Variants in SMYD3 observed in about 807,000 individuals in gnomAD.
The protein encoded by SMYD3 is SET and MYND domain containing 3.
In SMYD3, 36 loss-of-function variants were observed where a neutral mutation model predicts 57.7. That is an observed-to-expected ratio of 0.62 (90% CI 0.48 to 0.82). The LOEUF (loss-of-function observed/expected upper bound fraction) is 0.82, where lower values mean the gene tolerates loss of function less well. SMYD3 is among the 40% of genes least tolerant of loss of function. SMYD3 has a pLI of 0.00. For missense variants in SMYD3, 515 were observed against 538.8 expected (o/e 0.96, Z 0.44); for synonymous variants, 211 against 195.0 (o/e 1.08, Z -0.68).
chr1:246,115,271 C>T (rs2061325697), intron 5 of SMYD3, among the ~76,000 whole-genome samples: 1 of 152,124 alleles, frequency 6.6e-6, no homozygotes, highest in Admixed American at 6.5e-5. Context: ...AGCAGGTGCT[C>T]AAATAAGACC....
rs115860845 is a variant in SMYD3, at chr1:245,808,857, G to C, written c.1077-44708C>G. ...AGCTCATTGGAACCACTACCTCCTG[G>C]GTTCAAGCGATTCTCGTGCCTCAGC... On this transcript the variant is annotated intron_variant, in intron 10 of 11. Transcript: ENST00000490107. Among the ~76,000 whole-genome samples the C allele has an allele frequency of 9.8e-3, 1,494 of 152,158 alleles. 31 individuals carry two copies. Among genetic ancestry groups the C allele is most frequent in the African/African-American group, 0.034 (1,411 of 41,502 alleles).
chr1:246,404,724 T>C (rs1352161799), intron 1 of SMYD3, among the ~76,000 whole-genome samples: 1 of 152,070 alleles, frequency 6.6e-6, no homozygotes, highest in East Asian at 1.9e-4. Flanking sequence ...ATTTGGCTAG[T>C]TAATGAAAAT....
At chr1:246,328,971 G>A (rs948094141) in intron 4 of SMYD3, among the ~76,000 whole-genome samples, 3 of 151,860 alleles carry the variant, frequency 2.0e-5, no homozygotes, top group African/African-American at 7.3e-5. Context: ...ATAGTTTACT[G>A]AGAATGATGA....
intron 5 of SMYD3, among the ~76,000 whole-genome samples, chr1:246,277,722 G>A (rs927294720): frequency 4.6e-5 from 7 of 152,160 alleles, no homozygotes; most frequent in Admixed American, 1.3e-4. Context: ...TGACACAAAC[G>A]ACATGGATGA....
chr1:245,755,040 C>T (rs2045551527), intron 11 of SMYD3, among the ~76,000 whole-genome samples: 1 of 152,130 alleles, frequency 6.6e-6, no homozygotes, highest in Non-Finnish European at 1.5e-5. Flanking sequence ...ACTGTTTAAT[C>T]AATCAATCAG....
At chr1:245,892,357 C>G (rs1203615509) in intron 8 of SMYD3, among the ~76,000 whole-genome samples, 1 of 152,194 alleles carries the variant, frequency 6.6e-6, no homozygotes, top group Non-Finnish European at 1.5e-5. Context: ...ATCTAATTAT[C>G]TAATTGAACC....
intron 1 of SMYD3, among the ~76,000 whole-genome samples, chr1:246,468,730 T>C (rs1259637281): frequency 6.6e-6 from 1 of 151,890 alleles, no homozygotes; most frequent in African/African-American, 2.4e-5. Flanking sequence ...TAATTCAACA[T>C]TTTGGGAGGC....
rs368427077 is a variant in SMYD3 at position 246,106,655 on chromosome 1, G to A, written c.532-176718C>T. 9.2e-5 allele frequency among the ~76,000 whole-genome samples: 14 copies of A among 152,242 alleles called. No homozygotes were observed. In the East Asian group the frequency reaches 1.5e-3, roughly 17 times the overall value. On this transcript the variant is annotated intron_variant, in intron 5 of 11. Coordinates refer to ENST00000490107, the MANE Select transcript of SMYD3 (RefSeq NM_001167740.2). The stretch of plus-strand genomic sequence containing the variant: ...GTGGTTATGAAAGAAGAATTGAAAC[G>A]TCTCTTCCCTCTGGTGGGTTTTCAC...
At chr1:246,075,882 AT>A (rs35603953) in intron 5 of SMYD3, among the ~76,000 whole-genome samples, 27,456 of 149,690 alleles carry the variant, frequency 0.18, 3,994 homozygotes, top group African/African-American at 0.4. Context: ...TGAAAATTTA[AT>A]TATCTGTTTT....
chr1:245,773,090 TAAAAAA>T (rs34679948), intron 10 of SMYD3, among the ~76,000 whole-genome samples: 1 of 86,250 alleles, frequency 1.2e-5, no homozygotes, highest in African/African-American at 3.9e-5. Flanking sequence ...GGAGAATCAC[TAAAAAA>T]AAAAAAAAAA....
chr1:246,438,923 T>G (rs187595102), intron 1 of SMYD3, among the ~76,000 whole-genome samples: 1 of 151,752 alleles, frequency 6.6e-6, no homozygotes, highest in East Asian at 1.9e-4. Context: ...GAGACAGGGC[T>G]CAGGCAATAA....
chr1:246,022,651 T>C (rs1301923760), intron 5 of SMYD3, among the ~76,000 whole-genome samples: 1 of 152,244 alleles, frequency 6.6e-6, no homozygotes, highest in African/African-American at 2.4e-5. Flanking sequence ...AGATGGCCTG[T>C]GTCATTGTTA....
intron 1 of SMYD3, among the ~76,000 whole-genome samples, chr1:246,407,096 CAAT>C (rs1400327725): frequency 6.6e-6 from 1 of 152,172 alleles, no homozygotes; most frequent in East Asian, 1.9e-4. Context: ...TTGGTTTTCA[CAAT>C]AATTGGGGGG....
chr1:245,806,725 A>G (rs545382020), intron 10 of SMYD3, among the ~76,000 whole-genome samples: 1 of 151,598 alleles, frequency 6.6e-6, no homozygotes, highest in East Asian at 1.9e-4. Context: ...CCTGGCTAAC[A>G]AGGTGAAACC....
rs949014335 is a variant in SMYD3, at chr1:246,507,119, C to T, written c.99G>A (p.Ser33=). 7.2e-6 allele frequency: 11 copies of T among 1,533,362 alleles called. No homozygotes were observed. The African/African-American group carries it at 1.6e-4, about 22-fold the overall frequency. 95.0% of individuals were successfully genotyped at this position (1,533,362 alleles called of 1,614,324 possible). A position where few individuals can be genotyped will look rare whatever the true frequency, so the allele number is the denominator to read the frequency against. The part of the protein sequence containing the change: ...PLRPGELLFR[S]DPLAYTVCKG... The stretch of plus-strand genomic sequence containing the variant: ...TGCACACCGTGTACGCCAAGGGATC[C>T]GAGCGGAAGAGTAGCTCTCCGGGGC... The change falls in exon 1 of 12, where the codon TCG becomes TCA. Residue 33 remains serine (S), a synonymous_variant. Coordinates refer to ENST00000490107, the MANE Select transcript of SMYD3 (RefSeq NM_001167740.2).
chr1:245,803,644 G>GC (rs1214514240), intron 10 of SMYD3, among the ~76,000 whole-genome samples: 3 of 152,198 alleles, frequency 2.0e-5, no homozygotes, highest in Admixed American at 1.3e-4. Flanking sequence ...TTATAGAAAT[G>GC]CCTTCTGGAA....
At position 246,507,079 on chromosome 1, in the gene SMYD3, C is replaced by T. The variant is rs1481998131; in HGVS notation, c.139G>A (p.Val47Ile). The change falls in exon 1 of 12, where the codon GTC becomes ATC. Residue 47 changes from valine (V) to isoleucine (I), a missense_variant. Val to Ile is a conservative substitution (Grantham distance 29). Coordinates refer to ENST00000490107, the MANE Select transcript of SMYD3 (RefSeq NM_001167740.2). ...AYTVCKGSRG[V>I]VCDRCLLGKE... ...CCGAGAAGGCAGCGGTCGCAGACGA[C>T]GCCACGACTCCCCTTGCACACCGTG... 2.0e-6 allele frequency: 3 copies of T among 1,517,680 alleles called. No homozygotes were observed. The highest frequency in any genetic ancestry group is 2.5e-5 in the South Asian group (2 of 80,668). 94.0% of individuals were successfully genotyped at this position (1,517,680 alleles called of 1,614,324 possible).
chr1:246,375,493 G>A (rs1378058360), intron 1 of SMYD3, among the ~76,000 whole-genome samples: 1 of 152,084 alleles, frequency 6.6e-6, no homozygotes, highest in Non-Finnish European at 1.5e-5. Flanking sequence ...CAGTGGAAGT[G>A]TATTCACAAA....
chr1:246,374,149 A>G (rs572243247), intron 1 of SMYD3, among the ~76,000 whole-genome samples: 1 of 152,154 alleles, frequency 6.6e-6, no homozygotes, highest in East Asian at 1.9e-4. Flanking sequence ...TGATTAATCT[A>G]AACTTAAAAA....
Sources: gnomAD v4.1 joint callset for allele counts (sites outside exome capture counted in the v4.1 genomes callset) on GRCh38, gnomAD v4.1.1 for gene constraint, MANE v1.5 for transcripts, NCBI Gene and HGNC (gene_info 2026-07-23, HGNC 2026-07-21) for gene names.